CFAP68: variants seen among roughly 807,000 people sequenced by gnomAD.
The protein encoded by CFAP68 is cilia- and flagella-associated protein 68.
chr11:111,884,526 TCTTCC>T, the CFAP68 span: 1 of 150,670 alleles, frequency 6.6e-6, no homozygotes. Context: ...ACCACTGTGG[TCTTCC>T]CTTCCTTCTG....
the CFAP68 span, chr11:111,882,267 T>C: frequency 1.1e-6 from 1 of 899,732 alleles, no homozygotes; most frequent in Non-Finnish European, 1.7e-6. Flanking sequence ...TAGTACGGTG[T>C]GCTTGTGTTA....
the CFAP68 span, chr11:111,885,095 G>A: frequency 6.6e-6 from 1 of 151,498 alleles, no homozygotes; most frequent in Admixed American, 6.6e-5. Flanking sequence ...AGGTTGCAGT[G>A]AGCTGAGACG....
the CFAP68 span, chr11:111,879,709 G>T: frequency 7.8e-7 from 1 of 1,274,258 alleles, no homozygotes; most frequent in Non-Finnish European, 1.1e-6. Context: ...TGAACAAAAT[G>T]TGGCCTATGA....
chr11:111,883,916 T>A, the CFAP68 span: 1 of 1,377,866 alleles, frequency 7.3e-7, no homozygotes, highest in Non-Finnish European at 1.0e-6. Context: ...AAGATCTTAA[T>A]ATTGACTAGT....
the CFAP68 span, chr11:111,881,214 T>G: frequency 7.5e-7 from 1 of 1,338,460 alleles, no homozygotes; most frequent in Non-Finnish European, 9.6e-7. Flanking sequence ...ATTCCAGCCC[T>G]AGAGACAGTT....
At chr11:111,880,969 G>A in the CFAP68 span, 2 of 354,596 alleles carry the variant, frequency 5.6e-6, no homozygotes, top group Non-Finnish European at 1.1e-5. Context: ...TGTGGAGAAA[G>A]GTTTGGAGAG....
the CFAP68 span, among the ~76,000 whole-genome samples, chr11:111,879,906 AGTCAAGAGGC>A: frequency 1.3e-5 from 2 of 152,174 alleles, no homozygotes; most frequent in African/African-American, 2.4e-5. Flanking sequence ...ATCTTAACTG[AGTCAAGAGGC>A]GTGAAGAGGC....
chr11:111,882,977 G>A, the CFAP68 span, among the ~76,000 whole-genome samples: 78 of 152,172 alleles, frequency 5.1e-4, no homozygotes, highest in South Asian at 3.9e-3. Context: ...ACAAACAAAC[G>A]TACAAAACAT....
chr11:111,882,450 A>G, the CFAP68 span: 1 of 1,614,082 alleles, frequency 6.2e-7, no homozygotes, highest in Non-Finnish European at 8.5e-7. Context: ...GTGTGGACAG[A>G]TTGGAATAAT....
chr11:111,881,385 A>T, the CFAP68 span: 1 of 1,514,688 alleles, frequency 6.6e-7, no homozygotes, highest in Non-Finnish European at 8.8e-7. Context: ...ATGCTGCATT[A>T]TTGGCTTTGT....
the CFAP68 span, chr11:111,882,325 T>G: frequency 6.5e-7 from 1 of 1,538,938 alleles, no homozygotes; most frequent in East Asian, 2.2e-5. Flanking sequence ...TTTTCTCTTC[T>G]CTGGTTTATG....
chr11:111,882,598 G>A, the CFAP68 span: 17 of 1,555,784 alleles, frequency 1.1e-5, no homozygotes, highest in African/African-American at 5.5e-5. Flanking sequence ...TGCCTTCCCA[G>A]GTAATCTAAC....
At chr11:111,883,554 C>G in the CFAP68 span, among the ~76,000 whole-genome samples, 2 of 151,412 alleles carry the variant, frequency 1.3e-5, no homozygotes, top group Non-Finnish European at 2.9e-5. Context: ...AATCAAGCCA[C>G]TGCACTCCTG....
chr11:111,884,087 C>CT, the CFAP68 span: 4 of 446,630 alleles, frequency 9.0e-6, no homozygotes, highest in African/African-American at 2.0e-5. Flanking sequence ...TTCTTTATCC[C>CT]TTTTTTTGTT....
the CFAP68 span, chr11:111,881,307 T>G: frequency 7.0e-7 from 1 of 1,433,504 alleles, no homozygotes; most frequent in Non-Finnish European, 9.1e-7. Flanking sequence ...TTTGGTAACA[T>G]CAGTGCATGC....
At chr11:111,883,591 T>G in the CFAP68 span, among the ~76,000 whole-genome samples, 3 of 144,586 alleles carry the variant, frequency 2.1e-5, no homozygotes, top group Non-Finnish European at 4.5e-5. Context: ...AGACTCTATC[T>G]CAAAAAAAAA....
the CFAP68 span, chr11:111,880,813 A>G: frequency 2.2e-6 from 1 of 456,110 alleles, no homozygotes; most frequent in East Asian, 6.9e-5. Context: ...TTCCGGTAAC[A>G]AGAACATGCT....
chr11:111,881,484 G>C, the CFAP68 span: 74 of 1,535,926 alleles, frequency 4.8e-5, 1 homozygote, highest in African/African-American at 3.0e-4. Flanking sequence ...TTTGCTTGGA[G>C]AACTGGGAAA....
chr11:111,880,628 C>T, the CFAP68 span: 3 of 334,970 alleles, frequency 9.0e-6, no homozygotes, highest in Non-Finnish European at 1.8e-5. Context: ...TTAATCCACC[C>T]CTTGTTTAGT....
Sources: gnomAD v4.1 joint callset for allele counts (sites outside exome capture counted in the v4.1 genomes callset) on GRCh38, gnomAD v4.1.1 for gene constraint, MANE v1.5 for transcripts, NCBI Gene and HGNC (gene_info 2026-07-23, HGNC 2026-07-21) for gene names.